Variants in RAB40A observed in about 807,000 individuals in gnomAD.
The protein encoded by RAB40A is ras-related protein Rab-40A.
For missense variants in RAB40A, 145 were observed against 230.2 expected, an observed-to-expected ratio of 0.63 and a Z score of 2.40; for synonymous variants, 65 against 99.9, an observed-to-expected ratio of 0.65 and a Z score of 2.08.
rs2073260380 is a variant in RAB40A at position 103,507,221 on chromosome X, C to T, written c.-70-6395G>A. Among the ~76,000 whole-genome samples the T allele has an allele frequency of 3.6e-5, 4 of 111,572 alleles. No homozygotes were observed. The South Asian group carries it at 1.1e-3, about 31-fold the overall frequency. On this transcript the variant is annotated intron_variant, in intron 2 of 2. Transcript: ENST00000304236. ...CCCTGGAAAGGACATAATCTCATTC[C>T]TTTTTATGGCTGCAGGTTTTTGTAT... is the stretch of plus-strand genomic sequence containing the variant.
intron 2 of RAB40A, among the ~76,000 whole-genome samples, chrX:103,510,337 T>C (rs969922522): frequency 5.3e-5 from 6 of 112,301 alleles, no homozygotes; most frequent in Admixed American, 3.8e-4. Flanking sequence ...GTGAGGGAAC[T>C]ACGAGCACCA....
At chrX:103,495,007 A>G (rs1243161095), downstream of RAB40A, among the ~76,000 whole-genome samples, 1 of 111,931 alleles carries the variant, frequency 8.9e-6, no homozygotes, top group Non-Finnish European at 1.9e-5. Context: ...TTTGAGTAGA[A>G]TGGACATTTT....
chrX:103,502,225 C>T (rs1448732499), intron 2 of RAB40A: 1 of 117,754 alleles, frequency 8.5e-6, no homozygotes, highest in Non-Finnish European at 1.9e-5. Flanking sequence ...TTCTATTTCT[C>T]TGTGGGCTTC....
intron 2 of RAB40A, among the ~76,000 whole-genome samples, chrX:103,512,430 C>G (rs1025246281): frequency 9.0e-6 from 1 of 110,902 alleles, no homozygotes; most frequent in Non-Finnish European, 1.9e-5. Flanking sequence ...ATCTCAGCCT[C>G]ACAACTTGCT....
chrX:103,507,291 G>T (rs1218692508), intron 2 of RAB40A, among the ~76,000 whole-genome samples: 1 of 111,241 alleles, frequency 9.0e-6, no homozygotes, highest in Non-Finnish European at 1.9e-5. Context: ...TAAATTTTCT[G>T]TTCAAATCAT....
At chrX:103,496,316 C>T (rs1334570905), downstream of RAB40A, among the ~76,000 whole-genome samples, 1 of 112,143 alleles carries the variant, frequency 8.9e-6, no homozygotes, top group Non-Finnish European at 1.9e-5. Context: ...AGTATGGAAT[C>T]ATGTACACTT....
downstream of RAB40A, among the ~76,000 whole-genome samples, chrX:103,498,187 A>C (rs1454078756): frequency 9.0e-6 from 1 of 111,473 alleles, no homozygotes; most frequent in Non-Finnish European, 1.9e-5. Flanking sequence ...TGCATCCCCG[A>C]TCTGCATGTG....
intron 2 of RAB40A, among the ~76,000 whole-genome samples, chrX:103,511,669 C>T (rs939342675): frequency 7.4e-5 from 8 of 107,850 alleles, no homozygotes; most frequent in East Asian, 3.0e-4. Flanking sequence ...GACACAGGGA[C>T]GGGAACATCA....
rs2073304790 is a variant in RAB40A at position 103,514,090 on chromosome X, C to T, written c.-71+3284G>A. 6.3e-5 allele frequency among the ~76,000 whole-genome samples: 7 copies of T among 111,612 alleles called. No individual in the cohort carries two copies. The Admixed American group carries it at 6.6e-4, about 11-fold the overall frequency. On this transcript the variant is annotated intron_variant, in intron 2 of 2. Coordinates refer to ENST00000304236, the MANE Select transcript of RAB40A (RefSeq NM_080879.3). ...TGTCTGGTTTAGTAGCTCTGAAAGA[C>T]AGTACACATGTAAAGAGGCATATAT... is the stretch of plus-strand genomic sequence containing the variant.
intron 2 of RAB40A, among the ~76,000 whole-genome samples, chrX:103,508,080 A>C (rs189293012): frequency 8.9e-6 from 1 of 112,703 alleles, no homozygotes; most frequent in African/African-American, 3.2e-5. Context: ...TCTGAGATGT[A>C]GTTTACAAAT....
At chrX:103,501,864 G>C (rs1342417044) in intron 2 of RAB40A, 1 of 121,138 alleles carries the variant, frequency 8.3e-6, no homozygotes, top group Non-Finnish European at 1.9e-5. Context: ...AAAAGGCTCT[G>C]TGTGTGTCTG....
At chrX:103,494,704 C>T (rs1470868975), downstream of RAB40A, among the ~76,000 whole-genome samples, 1 of 111,660 alleles carries the variant, frequency 9.0e-6, no homozygotes, top group Non-Finnish European at 1.9e-5. Context: ...AGTATAGGTT[C>T]TTTGTTGAAA....
downstream of RAB40A, among the ~76,000 whole-genome samples, chrX:103,497,968 A>AT (rs1389861942): frequency 8.9e-6 from 1 of 111,942 alleles, no homozygotes; most frequent in African/African-American, 3.2e-5. Context: ...ATACTAGGGA[A>AT]TTTTTTAAGT....
chrX:103,505,029 T>C (rs1453315035), intron 2 of RAB40A, among the ~76,000 whole-genome samples: 4 of 112,184 alleles, frequency 3.6e-5, no homozygotes, highest in African/African-American at 1.3e-4. Flanking sequence ...TTACAAGTCA[T>C]TATACCTCCA....
At chrX:103,496,867 G>A (rs1292549830), downstream of RAB40A, among the ~76,000 whole-genome samples, 4 of 112,100 alleles carry the variant, frequency 3.6e-5, no homozygotes, top group East Asian at 2.8e-4. Context: ...ACTGAATTTT[G>A]TCATTGCGGG....
At chrX:103,506,908 T>A (rs890009786) in intron 2 of RAB40A, among the ~76,000 whole-genome samples, 1 of 112,107 alleles carries the variant, frequency 8.9e-6, no homozygotes, top group African/African-American at 3.2e-5. Flanking sequence ...GTTTTTGTAA[T>A]TTTTTTTAAT....
At position 103,500,272 on chromosome X, in the gene RAB40A, T is replaced by C. The variant is rs139017752; in HGVS notation, c.485A>G (p.Asn162Ser). The C allele has an allele frequency of 8.5e-4, 1,023 of 1,210,278 alleles. 1 individual carries two copies. The highest frequency in any genetic ancestry group is 5.9e-4 in the Non-Finnish European group (528 of 895,223). The change falls in exon 3 of 3, where the codon AAC becomes AGC. Residue 162 changes from asparagine (N) to serine (S), a missense_variant. Coordinates refer to ENST00000304236, the MANE Select transcript of RAB40A (RefSeq NM_080879.3). ...FFEVSPLCNF[N>S]IIESFTELAR... Reference sequence around the variant, plus strand: ...CAGCTCCGTGAAAGACTCTATGATGTTGAAATTGCACAGAGGGCTGACCTC... The same window carrying C: ...CAGCTCCGTGAAAGACTCTATGATGCTGAAATTGCACAGAGGGCTGACCTC...
rs150450642 is a variant in RAB40A at position 103,500,072 on chromosome X, T to C, written c.685A>G (p.Lys229Glu). The C allele has an allele frequency of 8.3e-7, 1 of 1,210,570 alleles. No individual in the cohort carries two copies. Among genetic ancestry groups the C allele is most frequent in the African/African-American group, 1.7e-5 (1 of 57,272 alleles). ...CGCATCATCCTGGCATTCAGGCCCTTAGCCATGGAGAAGGACTTGAGGTGG... is the reference window on the plus strand; with the variant it reads ...CGCATCATCCTGGCATTCAGGCCCTCAGCCATGGAGAAGGACTTGAGGTGG... ...RSHLKSFSMA[K>E]GLNARMMRGL... Residue 229 changes from lysine to glutamate, a missense_variant, in exon 3 of 3, where the codon AAG (lysine) becomes GAG (glutamate). Transcript: ENST00000304236.
rs1428894554 is a variant in RAB40A at position 103,499,432 on chromosome X, T to C, written c.*491A>G. 1 of 176,926 alleles carries C rather than the reference T, an allele frequency of 5.7e-6. No individual in the cohort carries two copies. Among genetic ancestry groups the C allele is most frequent in the African/African-American group, 3.1e-5 (1 of 32,126 alleles). 14.6% of individuals were successfully genotyped at this position (176,926 alleles called of 1,213,427 possible). ...ACAGATCTGTTATATACAATCTCTA[T>C]ATGCATCTGCAGTGTTTTATAAATT... On this transcript the variant is annotated 3_prime_UTR_variant, in exon 3 of 3. Transcript: ENST00000304236.
Sources: gnomAD v4.1 joint callset for allele counts (sites outside exome capture counted in the v4.1 genomes callset) on GRCh38, gnomAD v4.1.1 for gene constraint, MANE v1.5 for transcripts, NCBI Gene and HGNC (gene_info 2026-07-23, HGNC 2026-07-21) for gene names.